AKAP13: variants seen among roughly 807,000 people sequenced by gnomAD.
AKAP13 encodes A-kinase anchoring protein 13, also known as A-kinase anchor protein 13.
AKAP13 carries 80 observed loss-of-function variants against 264.5 expected under a neutral mutation model. The ratio of observed to expected loss-of-function variants is 0.30; its 90% CI spans 0.25 to 0.36. The LOEUF is 0.36. Ranked by LOEUF, AKAP13 falls within the 10% of genes least tolerant of loss-of-function variation. AKAP13 has a pLI of 1.00. For synonymous variants in AKAP13, 1,380 were observed against 1,250.2 expected (o/e 1.10, Z -2.19); for missense variants, 3,712 against 3,435.2 (o/e 1.08, Z -2.01).
chr15:85,578,412 G>A (rs1024561065), intron 6 of AKAP13, among the ~76,000 whole-genome samples: 1 of 152,126 alleles, frequency 6.6e-6, no homozygotes, highest in African/African-American at 2.4e-5. Context: ...CAGTGGTGCT[G>A]TCTCGGCTCA....
chr15:85,677,088 G>A (rs1325152688), intron 14 of AKAP13: 3 of 985,316 alleles, frequency 3.0e-6, no homozygotes, highest in Non-Finnish European at 2.4e-6. Flanking sequence ...ATGAGGAGGA[G>A]GAGTTGCATA....
At chr15:85,619,872 A>G in intron 8 of AKAP13, 1 of 1,399,814 alleles carries the variant, frequency 7.1e-7, no homozygotes, top group Non-Finnish European at 9.3e-7. Flanking sequence ...TGAAGTTATC[A>G]GCAAGTTCTC....
At chr15:85,395,587 GTTTA>G (rs908779819) in intron 1 of AKAP13, among the ~76,000 whole-genome samples, 11 of 152,150 alleles carry the variant, frequency 7.2e-5, no homozygotes, top group East Asian at 1.9e-4. Context: ...TGAAGGCAGT[GTTTA>G]TTTATCTTTT....
chr15:85,703,842 C>A (rs1264232308), intron 17 of AKAP13, among the ~76,000 whole-genome samples: 23 of 138,000 alleles, frequency 1.7e-4, no homozygotes, highest in African/African-American at 2.4e-4. Flanking sequence ...GACTCCATCT[C>A]AAAAAAAAAA....
At chr15:85,420,725 T>C (rs554578127) in intron 1 of AKAP13, among the ~76,000 whole-genome samples, 6 of 152,338 alleles carry the variant, frequency 3.9e-5, no homozygotes, top group East Asian at 1.9e-4. Flanking sequence ...GATGGAATTA[T>C]AAGGAAAGGA....
chr15:85,739,775 T>C (rs1286960038), intron 33 of AKAP13, among the ~76,000 whole-genome samples: 1 of 152,192 alleles, frequency 6.6e-6, no homozygotes, highest in Admixed American at 6.5e-5. Flanking sequence ...TTGAACCTTT[T>C]TTTGTGTGTG....
chr15:85,718,343 C>CT lies in AKAP13; in HGVS notation c.6001+186dup, dbSNP rs1414699335. Among the ~76,000 whole-genome samples the CT allele has an allele frequency of 1.3e-5, 2 of 152,196 alleles. No homozygotes were observed. The highest frequency in any genetic ancestry group is 4.8e-5 in the African/African-American group (2 of 41,460). On this transcript the variant is annotated intron_variant, in intron 22 of 36. Coordinates refer to ENST00000394518, the MANE Select transcript of AKAP13 (RefSeq NM_007200.5). The surrounding 1 kb of genome is among the most constrained non-coding windows in gnomAD (Gnocchi z 4.9). ...TATCCTATCTCCTTTTTGCCCCACT[C>CT]TTCTGTTTTCAGTTCTACTGAACAT...
intron 1 of AKAP13, among the ~76,000 whole-genome samples, chr15:85,383,097 G>T (rs1192218669): frequency 2.0e-5 from 3 of 151,354 alleles, no homozygotes; most frequent in Non-Finnish European, 4.4e-5. Flanking sequence ...AATCTTCACT[G>T]TTGCCCAGTT....
At chr15:85,685,512 C>G (rs1474587719) in intron 16 of AKAP13, 1 of 149,926 alleles carries the variant, frequency 6.7e-6, no homozygotes, top group African/African-American at 2.5e-5. Context: ...GTGTGTAAGG[C>G]TCCACTGTAT....
Position 85,718,951 on chromosome 15 carries a change from C to T in AKAP13, c.6002-125C>T. ...GAGAACACTTTTAGGGGAAAGATAG[C>T]TGTTGACCCAATTTTAAGGTTCAAA... On this transcript the variant is annotated intron_variant, in intron 22 of 36. Transcript: ENST00000394518. The surrounding 1 kb of genome is among the most constrained non-coding windows in gnomAD (Gnocchi z 4.9). 7.6e-7 allele frequency: 1 copy of T among 1,319,718 alleles called. No homozygotes were observed. 81.8% of individuals were successfully genotyped at this position (1,319,718 alleles called of 1,614,324 possible). A position where few individuals can be genotyped will look rare whatever the true frequency, so the allele number is the denominator to read the frequency against.
rs2085394986 is a variant in AKAP13 at position 85,693,418 on chromosome 15, C to T, written c.5431C>T (p.Pro1811Ser). The T allele has an allele frequency of 1.2e-6, 2 of 1,613,380 alleles. No homozygotes were observed. The highest frequency in any genetic ancestry group is 1.7e-6 in the Non-Finnish European group (2 of 1,179,846). The change falls in exon 17 of 37, where the codon CCC (proline) becomes TCC (serine). Residue 1811 changes from proline to serine, a missense_variant. Around this residue, in one of 3 missense-constraint regions of AKAP13, gnomAD observed 2,759 missense variants for 2,411.7 expected, o/e 1.14. Coordinates refer to ENST00000394518, the MANE Select transcript of AKAP13 (RefSeq NM_007200.5). ...CATCAGCTGTAGCCAGTGTATGAAG[C>T]CCTTCACCAACAAAGATGCCTATAC... ...GPISCSQCMK[P>S]FTNKDAYTCA... is the part of the protein sequence containing the mutation.
intron 8 of AKAP13, among the ~76,000 whole-genome samples, chr15:85,615,179 G>C (rs2080879385): frequency 6.6e-6 from 1 of 152,194 alleles, no homozygotes. Flanking sequence ...ATTATTGTCA[G>C]TTAGCTGCTG....
At chr15:85,689,623 G>C (rs1025750151) in intron 16 of AKAP13, among the ~76,000 whole-genome samples, 1 of 152,128 alleles carries the variant, frequency 6.6e-6, no homozygotes, top group Admixed American at 6.5e-5. Flanking sequence ...TCACTGAAAA[G>C]TTTTCTTATG....
intron 30 of AKAP13, 58 bp from the exon 31 acceptor site, chr15:85,734,934 C>T: frequency 6.3e-7 from 1 of 1,587,348 alleles, no homozygotes; most frequent in South Asian, 1.1e-5. Context: ...ATACTATGAA[C>T]TTGTTTTCCC....
At chr15:85,537,778 G>A (rs1169076581) in intron 4 of AKAP13, among the ~76,000 whole-genome samples, 1 of 152,188 alleles carries the variant, frequency 6.6e-6, no homozygotes, top group Admixed American at 6.5e-5. Context: ...GGGGGAAAGT[G>A]TATTCTGATA....
chr15:85,693,912 T>C (rs1291766179), intron 17 of AKAP13, among the ~76,000 whole-genome samples: 1 of 152,222 alleles, frequency 6.6e-6, no homozygotes, highest in Non-Finnish European at 1.5e-5. Flanking sequence ...GGCTAAACTA[T>C]GATGTCCAGA....
chr15:85,576,378 A>T (rs1186046863), intron 6 of AKAP13, among the ~76,000 whole-genome samples: 1 of 152,072 alleles, frequency 6.6e-6, no homozygotes, highest in East Asian at 2.0e-4. Flanking sequence ...GTTGTATGGT[A>T]CAAAGATAGC....
intron 1 of AKAP13, among the ~76,000 whole-genome samples, chr15:85,389,387 T>A (rs1487301307): frequency 6.6e-6 from 1 of 152,232 alleles, no homozygotes; most frequent in Non-Finnish European, 1.5e-5. Flanking sequence ...ATTTTAGGGC[T>A]TATCTCATTT....
At chr15:85,642,314 G>A (rs1485702088) in intron 9 of AKAP13, among the ~76,000 whole-genome samples, 2 of 152,156 alleles carry the variant, frequency 1.3e-5, no homozygotes, top group South Asian at 2.1e-4. Context: ...ATTACTTCTT[G>A]CCTGGAATTT....
Sources: gnomAD v4.1 joint callset for allele counts (sites outside exome capture counted in the v4.1 genomes callset) on GRCh38, gnomAD v4.1.1 for gene constraint, gnomAD v4.1.1 regional missense constraint, Gnocchi (gnomAD v3.1) non-coding constraint, MANE v1.5 for transcripts, NCBI Gene and HGNC (gene_info 2026-07-23, HGNC 2026-07-21) for gene names.